The following TTN variants were observed in gnomAD, a reference collection of about 807,000 sequenced individuals.
The protein encoded by TTN is connectin.
A neutral mutation model predicts 3,223.0 loss-of-function variants in TTN; 1,525 were observed. The observed-to-expected ratio is 0.47, with a 90% CI of 0.45 to 0.49. The LOEUF is 0.49. Ranked by LOEUF, TTN falls within the 20% of genes least tolerant of loss-of-function variation. The pLI is 0.00. For synonymous variants in TTN, 14,094 were observed against 15,161.0 expected, an observed-to-expected ratio of 0.93 and a Z score of 5.17; for missense variants, 40,786 against 43,424.0, an observed-to-expected ratio of 0.94 and a Z score of 5.40.
In TTN at chr2:178,615,721, A is replaced by C; in HGVS notation, c.48380T>G (p.Phe16127Cys). The change falls in exon 258 of 363, where the codon TTT becomes TGT. Residue 16127 changes from phenylalanine (F) to cysteine (C), a missense_variant. Coordinates refer to ENST00000589042, the MANE Select transcript of TTN (RefSeq NM_001267550.2). ...ACATTTGTTACGAGCACAAACTTTA[A>C]ATAAGTACTCTTTTCCTTGAACAAG... Reference protein sequence around the residue: ...PDLVQGKEYLFKVCARNKCGP... With the variant: ...PDLVQGKEYLCKVCARNKCGP... The C allele has an allele frequency of 6.2e-7, 1 of 1,612,094 alleles. No homozygotes were observed. Among genetic ancestry groups the C allele is most frequent in the East Asian group, 2.2e-5 (1 of 44,714 alleles).
In TTN at chr2:178,600,918, G is replaced by A. The variant is rs747136342; in HGVS notation, c.55986C>T (p.Val18662=). The change falls in exon 288 of 363, where the codon GTC becomes GTT. Residue 18662 remains valine, a synonymous_variant. Transcript: ENST00000589042. Reference sequence around the variant, plus strand: ...AAGGCTTGCTGACTCCTGCAGCATTGACAGCTTTGACTCGGAATTCATATT... The same window carrying A: ...AAGGCTTGCTGACTCCTGCAGCATTAACAGCTTTGACTCGGAATTCATATT... ...GGEYEFRVKA[V]NAAGVSKPSA... is the part of the protein sequence containing the mutation. The A allele has an allele frequency of 3.5e-5, 56 of 1,612,848 alleles. No homozygotes were observed. Among genetic ancestry groups the A allele is most frequent in the Non-Finnish European group, 4.6e-5 (54 of 1,179,286 alleles).
chr2:178,570,732 C>G lies in TTN; in HGVS notation c.75400G>C (p.Asp25134His). The G allele has an allele frequency of 6.2e-7, 1 of 1,613,566 alleles. No homozygotes were observed. Among genetic ancestry groups the G allele is most frequent in the East Asian group, 2.2e-5 (1 of 44,832 alleles). Residue 25134 changes from aspartate to histidine, a missense_variant, in exon 326 of 363, where the codon GAT becomes CAT. Physicochemically the swap from Asp to His is moderately conservative, Grantham distance 81. Coordinates refer to ENST00000589042, the MANE Select transcript of TTN (RefSeq NM_001267550.2). ...HAGESFKVDADIYGKPIPTIQ... is the reference protein window; with the variant it reads ...HAGESFKVDAHIYGKPIPTIQ... ...GTTGGTATTGGTTTGCCATAAATAT[C>G]TGCATCAACCTTGAATGATTCACCA...
rs200422152 is a variant in TTN at position 178,739,532 on chromosome 2, A to C, written c.13701T>G (p.Asp4567Glu). 3.0e-5 allele frequency: 49 copies of C among 1,613,764 alleles called. 1 individual carries two copies. In the South Asian group the frequency reaches 5.2e-4, roughly 17 times the overall value. The change falls in exon 48 of 363, where the codon GAT (aspartate) becomes GAG (glutamate). Residue 4567 changes from aspartate to glutamate, a missense_variant. By Grantham distance (45) the Asp-to-Glu change is conservative. Transcript: ENST00000589042. The stretch of plus-strand genomic sequence containing the variant: ...TTTCCTCTGATGGTTTCAGACTCTC[A>C]TCTTGTTTTTCGTCAGAGACAACAG... The part of the protein sequence containing the change: ...ASAVVSDEKQ[D>E]ESLKPSEEKE...
At chr2:178,688,249 A>T in intron 126 of TTN, 25 bp from the exon 127 acceptor site, 1 of 1,601,592 alleles carries the variant, frequency 6.2e-7, no homozygotes, top group Non-Finnish European at 8.5e-7. Flanking sequence ...GTTTCATTTA[A>T]ATTCAGCCTG....
chr2:178,651,139 G>T (rs2062874925), intron 208 of TTN, 104 bp downstream of exon 208: 12 of 911,164 alleles, frequency 1.3e-5, no homozygotes. Flanking sequence ...TGACAGTTTT[G>T]TAGTTGCAAA....
In TTN at chr2:178,713,301, T is replaced by C. The variant is rs1300614225; in HGVS notation, c.26833A>G (p.Met8945Val). ...GGTGACCCATAGACTTTACACTCCA[T>C]TACAACTGAGGAGCCGGATAGACCA... ...TNGLSGSSVVMECKVYGSPPI... is the reference protein window; with the variant it reads ...TNGLSGSSVVVECKVYGSPPI... Residue 8945 changes from methionine to valine, a missense_variant, in exon 93 of 363, where the codon ATG becomes GTG. Transcript: ENST00000589042. 6.3e-7 allele frequency: 1 copy of C among 1,598,788 alleles called. No individual in the cohort carries two copies. The highest frequency in any genetic ancestry group is 1.7e-5 in the Admixed American group (1 of 57,514).
chr2:178,555,310 AT>A (rs1483210381), intron 330 of TTN, 158 bp from the exon 331 acceptor site: 1 of 695,650 alleles, frequency 1.4e-6, no homozygotes, highest in Admixed American at 3.3e-5. Flanking sequence ...TTAAAAATTT[AT>A]AGGCCACTCT....
At chr2:178,615,232 T>C (rs1209192291) in intron 259 of TTN, 75 bp downstream of exon 259, 2 of 1,536,990 alleles carry the variant, frequency 1.3e-6, no homozygotes, top group Non-Finnish European at 1.8e-6. Context: ...AGACAAACAT[T>C]TAAATTTTCC....
chr2:178,780,315 A>T, intron 21 of TTN, 110 bp from the exon 22 acceptor site: 2 of 941,850 alleles, frequency 2.1e-6, no homozygotes, highest in Admixed American at 2.0e-5. Context: ...CCAAAAACCA[A>T]ATTTTCCAAA....
At chr2:178,706,347 A>T (rs1170834906) in intron 102 of TTN, 107 bp downstream of exon 102, 7 of 1,221,864 alleles carry the variant, frequency 5.7e-6, no homozygotes, top group Middle Eastern at 2.9e-4. Flanking sequence ...TTGTATTTTT[A>T]AATTTTTTGT....
In TTN at chr2:178,756,314, T is replaced by C. The variant is rs2086919348; in HGVS notation, c.11162A>G (p.Asn3721Ser). Residue 3721 changes from asparagine to serine, a missense_variant, in exon 46 of 363, where the codon AAT becomes AGT. Physicochemically the swap from Asn to Ser is conservative, Grantham distance 46. Coordinates refer to ENST00000589042, the MANE Select transcript of TTN (RefSeq NM_001267550.2). ...NGNIQFLTIC[N>S]VQLVDQGLYS... ...TAGTCCTTGGTCTACCAGCTGAACA[T>C]TACATATGGTAAGAAACTGAATATT... The C allele has an allele frequency of 1.2e-6, 2 of 1,613,782 alleles. No individual in the cohort carries two copies. The highest frequency in any genetic ancestry group is 1.7e-6 in the Non-Finnish European group (2 of 1,179,788).
At position 178,537,120 on chromosome 2, in the gene TTN, T is replaced by A; in HGVS notation, c.99989A>T (p.Lys33330Ile). The A allele has an allele frequency of 6.2e-7, 1 of 1,613,466 alleles. No individual in the cohort carries two copies. Among genetic ancestry groups the A allele is most frequent in the Non-Finnish European group, 8.5e-7 (1 of 1,179,644 alleles). The change falls in exon 356 of 363, where the codon AAA becomes ATA. Residue 33330 changes from lysine to isoleucine, a missense_variant. Physicochemically the swap from Lys to Ile is moderately radical, Grantham distance 102 (BLOSUM62 -3). Coordinates refer to ENST00000589042, the MANE Select transcript of TTN (RefSeq NM_001267550.2). ...GSWITNYVVEKCEAKEGAEWQ... is the reference protein window; with the variant it reads ...GSWITNYVVEICEAKEGAEWQ... The stretch of plus-strand genomic sequence containing the variant: ...TTCAGCCCCCTCCTTGGCCTCACAT[T>A]TTTCCACCACATAGTTGGTGATCCA...
At position 178,570,490 on chromosome 2, in the gene TTN, G is replaced by A. The variant is rs1559390679; in HGVS notation, c.75642C>T (p.Ile25214=). Residue 25214 remains isoleucine, a synonymous_variant, in exon 326 of 363, where the codon ATC becomes ATT. Transcript: ENST00000589042. The part of the protein sequence containing the change: ...RPGPPEGPVV[I]SGVTAEKCTL... ...TGCATTTTTCTGCTGTAACTCCTGA[G>A]ATAACAACAGGTCCTTCAGGTGGCC... The A allele has an allele frequency of 3.1e-6, 5 of 1,613,262 alleles. No homozygotes were observed. The highest frequency in any genetic ancestry group is 1.7e-4 in the Middle Eastern group (1 of 6,052).
At position 178,739,174 on chromosome 2, in the gene TTN, C is replaced by T; in HGVS notation, c.14059G>A (p.Ala4687Thr). The change falls in exon 48 of 363, where the codon GCA (alanine) becomes ACA (threonine). Residue 4687 changes from alanine (A) to threonine (T), a missense_variant. Ala to Thr is a moderately conservative substitution (Grantham distance 58). Transcript: ENST00000589042. ...CEALNDSGKT[A>T]TSAKLTVVKR... is the part of the protein sequence containing the mutation. ...ACTACAGTGAGTTTGGCTGAAGTTG[C>T]TGTTTTTCCGCTGTCATTCAAGGCC... The T allele has an allele frequency of 6.6e-7, 1 of 1,514,802 alleles. No homozygotes were observed. 93.8% of individuals were successfully genotyped at this position (1,514,802 alleles called of 1,614,324 possible).
Position 178,692,021 on chromosome 2 carries a change from G to T in TTN, c.31757C>A (p.Pro10586Gln), listed in dbSNP as rs200459347. 498 of 1,611,578 alleles carry T rather than the reference G, an allele frequency of 3.1e-4. No homozygotes were observed. The highest frequency in any genetic ancestry group is 2.0e-3 in the African/African-American group (147 of 74,894). ...PVPKKEPAAP[P>Q]KVPEVPKKPV... is the part of the protein sequence containing the mutation. ...CATCATTGGCTCTGGCGTACCTTTTGGGGGAGCAGCAGGTTCCTTCTTAGG... is the reference window on the plus strand; with the variant it reads ...CATCATTGGCTCTGGCGTACCTTTTTGGGGAGCAGCAGGTTCCTTCTTAGG... Residue 10586 changes from proline to glutamine, a missense_variant, in exon 121 of 363, where the codon CCA becomes CAA. Transcript: ENST00000589042.
At chr2:178,670,124 C>A in intron 157 of TTN, 94 bp downstream of exon 157, 1 of 730,810 alleles carries the variant, frequency 1.4e-6, no homozygotes, top group Non-Finnish European at 2.0e-6. Context: ...CATTCATAGC[C>A]ATCTTGTGGC....
chr2:178,720,926 A>C lies in TTN; in HGVS notation c.23093T>G (p.Val7698Gly), dbSNP rs1346948752. ...GDASCSTALTVKAPPVFTQKP... is the reference protein window; with the variant it reads ...GDASCSTALTGKAPPVFTQKP... ...AGAAGCTTAGTGTGTCTAACCTTTC[A>C]CTGTCAACGCTGTGCTGCAGCTGGC... Residue 7698 changes from valine (V) to glycine (G), a missense_variant, in exon 79 of 363, where the codon GTG (valine) becomes GGG (glycine). Transcript: ENST00000589042. 6 of 1,584,500 alleles carry C rather than the reference A, an allele frequency of 3.8e-6. No homozygotes were observed. Among genetic ancestry groups the C allele is most frequent in the Non-Finnish European group, 8.6e-7 (1 of 1,160,226 alleles).
chr2:178,637,187 A>ATATATC (rs1553749552), intron 224 of TTN, among the ~76,000 whole-genome samples, 182 bp downstream of exon 224: 46 of 125,274 alleles, frequency 3.7e-4, no homozygotes, highest in African/African-American at 1.3e-3. Context: ...ATATATATAT[A>ATATATC]TATCTCCTTG....
chr2:178,667,561 G>A (rs771864715), intron 160 of TTN, 36 bp from the exon 161 acceptor site: 4 of 1,580,834 alleles, frequency 2.5e-6, no homozygotes, highest in Non-Finnish European at 3.4e-6. Context: ...TTTATAAATG[G>A]TGAAGAAAAA....
Sources: gnomAD v4.1 joint callset for allele counts (sites outside exome capture counted in the v4.1 genomes callset) on GRCh38, gnomAD v4.1.1 for gene constraint, MANE v1.5 for transcripts, NCBI Gene and HGNC (gene_info 2026-07-23, HGNC 2026-07-21) for gene names.